The following ANO10 variants were observed in gnomAD, a reference collection of about 807,000 sequenced individuals.
ANO10 encodes anoctamin 10, also known as anoctamin-10.
In ANO10, 77 loss-of-function variants were observed where a neutral mutation model predicts 74.7. That is an observed-to-expected ratio of 1.03 (90% CI 0.86 to 1.25). ANO10 has a LOEUF of 1.25. ANO10 is among the 50% of genes most tolerant of loss of function. ANO10 has a pLI of 0.00. For synonymous variants in ANO10, 279 were observed against 284.9 expected (o/e 0.98, Z 0.21); for missense variants, 721 against 778.1 (o/e 0.93, Z 0.87).
chr3:43,617,535 A>G (rs554122946), intron 1 of ANO10, among the ~76,000 whole-genome samples: 2 of 152,304 alleles, frequency 1.3e-5, no homozygotes, highest in African/African-American at 2.4e-5. Context: ...TGGCTTTTAC[A>G]TTAACAACTG....
At chr3:43,401,118 A>G (rs1335734776) in intron 12 of ANO10, among the ~76,000 whole-genome samples, 1 of 152,162 alleles carries the variant, frequency 6.6e-6, no homozygotes, top group Non-Finnish European at 1.5e-5. Context: ...TTTTTCCTTT[A>G]AAGCATTAAT....
intron 12 of ANO10, among the ~76,000 whole-genome samples, chr3:43,406,376 C>G (rs539643722): frequency 6.6e-6 from 1 of 152,300 alleles, no homozygotes; most frequent in Non-Finnish European, 1.5e-5. Flanking sequence ...AAACATCGAG[C>G]TATAAATATC....
chr3:43,506,518 C>A (rs1305116092), intron 11 of ANO10, among the ~76,000 whole-genome samples: 7 of 152,166 alleles, frequency 4.6e-5, no homozygotes, highest in Admixed American at 1.3e-4. Context: ...TCAGAGCCCT[C>A]CGGCAGCTCC....
In ANO10 at chr3:43,393,371, T is replaced by C. The variant is rs1183131588; in HGVS notation, c.1915-26397A>G. Among the ~76,000 whole-genome samples the C allele has an allele frequency of 3.9e-5, 6 of 152,374 alleles. No homozygotes were observed. The East Asian group carries it at 5.8e-4, about 15-fold the overall frequency. On this transcript the variant is annotated intron_variant, in intron 12 of 12. Coordinates refer to ENST00000292246, the MANE Select transcript of ANO10 (RefSeq NM_018075.5). ...CATTTCTCAAATTTGTCTACTTCTC[T>C]ACATTTTGACCACCTTCACATAAAT...
intron 12 of ANO10, among the ~76,000 whole-genome samples, chr3:43,373,111 G>A (rs1181672973): frequency 6.6e-6 from 1 of 151,950 alleles, no homozygotes; most frequent in East Asian, 1.9e-4. Flanking sequence ...TACCTGCCCT[G>A]GTAACAATGC....
At chr3:43,626,492 T>C (rs892969501), upstream of ANO10, among the ~76,000 whole-genome samples, 5 of 150,820 alleles carry the variant, frequency 3.3e-5, no homozygotes, top group African/African-American at 1.2e-4. Context: ...GTAGAGACTG[T>C]GTTTCACCAT....
chr3:43,434,988 T>C (rs1444858941), intron 11 of ANO10, among the ~76,000 whole-genome samples: 3 of 152,224 alleles, frequency 2.0e-5, no homozygotes, highest in Non-Finnish European at 2.9e-5. Flanking sequence ...GGTGGCACTA[T>C]AGGCAGTCTA....
intron 4 of ANO10, among the ~76,000 whole-genome samples, chr3:43,583,927 T>C (rs1413672976): frequency 6.6e-6 from 1 of 152,198 alleles, no homozygotes; most frequent in Non-Finnish European, 1.5e-5. Flanking sequence ...AACATGATAA[T>C]CATCCAATAG....
intron 11 of ANO10, among the ~76,000 whole-genome samples, chr3:43,533,032 T>G (rs1342641194): frequency 2.6e-5 from 4 of 152,160 alleles, no homozygotes; most frequent in African/African-American, 9.7e-5. Flanking sequence ...TACCTCCCCT[T>G]GCTTCCAGGC....
chr3:43,669,692 C>T (rs1278293507), intron 1 of ANO10, among the ~76,000 whole-genome samples: 3 of 151,858 alleles, frequency 2.0e-5, no homozygotes. Context: ...ATATTTTGGA[C>T]CGGAAACCAG....
chr3:43,604,428 T>C (rs2082469599), intron 2 of ANO10, among the ~76,000 whole-genome samples: 1 of 152,116 alleles, frequency 6.6e-6, no homozygotes, highest in African/African-American at 2.4e-5. Flanking sequence ...AACTTTTGGC[T>C]TTCTCAAATC....
chr3:43,629,353 C>T (rs145484184), intron 1 of ANO10, among the ~76,000 whole-genome samples: 1,984 of 152,242 alleles, frequency 0.013, 23 homozygotes, highest in Non-Finnish European at 0.023. Flanking sequence ...TTATTACATG[C>T]CTTTTCATCA....
At chr3:43,408,931 C>T (rs2092621685) in intron 12 of ANO10, among the ~76,000 whole-genome samples, 1 of 152,032 alleles carries the variant, frequency 6.6e-6, no homozygotes, top group Admixed American at 6.6e-5. Flanking sequence ...ACTTGGGAGG[C>T]TGAGGTGGGA....
intron 7 of ANO10, among the ~76,000 whole-genome samples, chr3:43,574,531 G>C (rs1307467165): frequency 2.6e-5 from 4 of 152,254 alleles, no homozygotes; most frequent in South Asian, 4.1e-4. Flanking sequence ...AAAGTGCTGA[G>C]ATTACAGGTA....
At chr3:43,549,242 A>G (rs927583449) in intron 11 of ANO10, among the ~76,000 whole-genome samples, 1 of 149,370 alleles carries the variant, frequency 6.7e-6, no homozygotes, top group African/African-American at 2.5e-5. Flanking sequence ...AGCTAGGACT[A>G]CAAGAATGAA....
chr3:43,583,923 A>C (rs1431239091), intron 4 of ANO10, among the ~76,000 whole-genome samples: 1 of 152,270 alleles, frequency 6.6e-6, no homozygotes, highest in Non-Finnish European at 1.5e-5. Context: ...TCAAAACATG[A>C]TAATCATCCA....
upstream of ANO10, among the ~76,000 whole-genome samples, chr3:43,625,940 CTTTTT>C (rs113199708): frequency 6.9e-6 from 1 of 144,066 alleles, no homozygotes; most frequent in African/African-American, 2.5e-5. Flanking sequence ...TCTTCAATTA[CTTTTT>C]TTTTTTTTTA....
At chr3:43,372,178 C>T (rs2091636530) in intron 12 of ANO10, among the ~76,000 whole-genome samples, 1 of 152,182 alleles carries the variant, frequency 6.6e-6, no homozygotes, top group Non-Finnish European at 1.5e-5. Flanking sequence ...CAGTCATCCC[C>T]ATCTCAGGAA....
At chr3:43,567,085 A>G (rs1224688471) in intron 7 of ANO10, among the ~76,000 whole-genome samples, 4 of 152,082 alleles carry the variant, frequency 2.6e-5, no homozygotes, top group African/African-American at 4.8e-5. Flanking sequence ...GGGTATCGGC[A>G]ATGGAAGATG....
Sources: allele counts gnomAD v4.1 joint callset (sites outside exome capture counted in the v4.1 genomes callset), GRCh38; gene constraint gnomAD v4.1.1; transcripts MANE v1.5; gene names NCBI Gene and HGNC (gene_info 2026-07-23, HGNC 2026-07-21).